GOLGA4: variants seen among roughly 807,000 people sequenced by gnomAD.
GOLGA4 encodes golgin A4.
GOLGA4 carries 169 observed loss-of-function variants against 265.9 expected under a neutral mutation model. The observed-to-expected ratio is 0.64, with a 90% CI of 0.56 to 0.72. The LOEUF (loss-of-function observed/expected upper bound fraction) is 0.72, where lower values mean the gene tolerates loss of function less well. GOLGA4 is among the 30% of genes least tolerant of loss of function. The pLI is 0.00. For missense variants in GOLGA4, 2,482 were observed against 2,483.4 expected, an observed-to-expected ratio of 1.00 and a Z score of 0.01; for synonymous variants, 923 against 855.8, an observed-to-expected ratio of 1.08 and a Z score of -1.37.
At chr3:37,308,579 G>A (rs2096913729) in intron 10 of GOLGA4, among the ~76,000 whole-genome samples, 1 of 150,984 alleles carries the variant, frequency 6.6e-6, no homozygotes, top group Admixed American at 6.6e-5. Context: ...TGGGTTATAT[G>A]TATTGATATT....
chr3:37,323,116 C>CTTTTTTT (rs567838649), intron 13 of GOLGA4, among the ~76,000 whole-genome samples: 19 of 114,120 alleles, frequency 1.7e-4, no homozygotes, highest in Admixed American at 3.9e-4. Context: ...TTCCTTTTGT[C>CTTTTTTT]TTTTTTTTTT....
At chr3:37,340,373 T>C (rs1239440437) in intron 20 of GOLGA4, among the ~76,000 whole-genome samples, 174 bp downstream of exon 20, 1 of 152,224 alleles carries the variant, frequency 6.6e-6, no homozygotes, top group Non-Finnish European at 1.5e-5. Context: ...ACATGCTATT[T>C]TGAGTTATAG....
Position 37,258,045 on chromosome 3 carries a change from A to G in GOLGA4, c.162+6561A>G, listed in dbSNP as rs532727647. Among the ~76,000 whole-genome samples, 414 of 61,176 alleles carry G rather than the reference A, an allele frequency of 6.8e-3. 52 individuals are homozygous for G. Among genetic ancestry groups the G allele is most frequent in the Non-Finnish European group, 0.012 (347 of 28,852 alleles). The allele number at this position is 61,176 out of a possible 152,430, so 40.1% of individuals were successfully genotyped here. A position where few individuals can be genotyped will look rare whatever the true frequency, so the allele number is the denominator to read the frequency against. On this transcript the variant is annotated intron_variant, in intron 2 of 23. Coordinates refer to ENST00000361924, the MANE Select transcript of GOLGA4 (RefSeq NM_002078.5). Reference sequence around the variant, plus strand: ...TGTATGTATATATGTATATATACATACATATATATATGTATGTATATATGT... The same window carrying G: ...TGTATGTATATATGTATATATACATGCATATATATATGTATGTATATATGT...
chr3:37,275,546 T>C lies in GOLGA4; in HGVS notation c.163-6412T>C. The C allele has an allele frequency of 3.2e-6, 3 of 950,062 alleles. 1 individual carries two copies. In the South Asian group the frequency reaches 4.0e-5, roughly 13 times the overall value. The allele number at this position is 950,062 out of a possible 1,614,324, so 58.9% of individuals were successfully genotyped here. A position where few individuals can be genotyped will look rare whatever the true frequency, so the allele number is the denominator to read the frequency against. Reference sequence around the variant, plus strand: ...TTAAAGAATATCATTGGCCGCGGGCTTCGTTTGTGAGGAAGGGGGCCTAGG... The same window carrying C: ...TTAAAGAATATCATTGGCCGCGGGCCTCGTTTGTGAGGAAGGGGGCCTAGG... On this transcript the variant is annotated intron_variant, in intron 2 of 23. Coordinates refer to ENST00000361924, the MANE Select transcript of GOLGA4 (RefSeq NM_002078.5).
chr3:37,261,784 C>T (rs2096770451), intron 2 of GOLGA4, among the ~76,000 whole-genome samples: 1 of 152,086 alleles, frequency 6.6e-6, no homozygotes, highest in African/African-American at 2.4e-5. Flanking sequence ...TGGGAAACTG[C>T]TGTCCTTAGG....
At chr3:37,276,095 A>G (rs560953252) in intron 2 of GOLGA4, 6 of 1,611,818 alleles carry the variant, frequency 3.7e-6, no homozygotes, top group East Asian at 2.2e-5. Flanking sequence ...TCGGGCACCA[A>G]GCACTTCTGA....
intron 17 of GOLGA4, among the ~76,000 whole-genome samples, chr3:37,336,550 C>A (rs980141248): frequency 6.6e-6 from 1 of 151,014 alleles, no homozygotes; most frequent in South Asian, 2.1e-4. Context: ...CACCTGAGGT[C>A]GGGAGTTCGA....
At chr3:37,247,171 G>A (rs1165130881) in intron 1 of GOLGA4, among the ~76,000 whole-genome samples, 1 of 152,200 alleles carries the variant, frequency 6.6e-6, no homozygotes, top group African/African-American at 2.4e-5. Flanking sequence ...AAGTTACTTT[G>A]ACTGCTCTTT....
chr3:37,252,097 A>G (rs548539397), intron 2 of GOLGA4, among the ~76,000 whole-genome samples: 28 of 151,400 alleles, frequency 1.8e-4, no homozygotes, highest in African/African-American at 6.6e-4. Context: ...AACTTATTCC[A>G]TGTAACCAGC....
chr3:37,248,134 A>T (rs983804559), intron 1 of GOLGA4, among the ~76,000 whole-genome samples: 3 of 152,146 alleles, frequency 2.0e-5, no homozygotes, highest in African/African-American at 7.2e-5. Context: ...CACAATGACT[A>T]AAATGGTTTT....
At chr3:37,251,592 C>T in intron 2 of GOLGA4, 108 bp downstream of exon 2, 6 of 636,888 alleles carry the variant, frequency 9.4e-6, no homozygotes, top group East Asian at 2.8e-5. Context: ...TATTTAATTC[C>T]TAGGTAGAGT....
chr3:37,250,262 A>T (rs1331632590), intron 1 of GOLGA4: 1 of 152,094 alleles, frequency 6.6e-6, no homozygotes, highest in African/African-American at 2.4e-5. Flanking sequence ...GTATTTCAAT[A>T]AAAAAAATTA....
chr3:37,263,777 A>G (rs1471810908), intron 2 of GOLGA4, among the ~76,000 whole-genome samples: 1 of 152,226 alleles, frequency 6.6e-6, no homozygotes, highest in Non-Finnish European at 1.5e-5. Flanking sequence ...AATAGTCTTC[A>G]TGAATGTTCA....
intron 2 of GOLGA4, among the ~76,000 whole-genome samples, chr3:37,256,424 C>G (rs1212666390): frequency 3.3e-5 from 5 of 151,260 alleles, no homozygotes; most frequent in Non-Finnish European, 7.4e-5. Flanking sequence ...GAGCCGAGGT[C>G]GTGCCATTGC....
At chr3:37,247,217 T>TA (rs2096722077) in intron 1 of GOLGA4, among the ~76,000 whole-genome samples, 2 of 152,228 alleles carry the variant, frequency 1.3e-5, no homozygotes, top group Non-Finnish European at 2.9e-5. Context: ...GGCAGTGACT[T>TA]ACAACAGTGC....
intron 2 of GOLGA4, among the ~76,000 whole-genome samples, chr3:37,280,199 A>G (rs944865648): frequency 2.0e-5 from 3 of 152,144 alleles, no homozygotes; most frequent in Non-Finnish European, 4.4e-5. Context: ...TGTCATATAT[A>G]TATATTTCTT....
intron 12 of GOLGA4, 58 bp downstream of exon 12, chr3:37,319,252 T>A: frequency 7.3e-7 from 1 of 1,375,744 alleles, no homozygotes; most frequent in South Asian, 1.3e-5. Context: ...TACAAAGTTA[T>A]CATCCTCTCA....
chr3:37,246,306 CA>C (rs58075364), intron 1 of GOLGA4, among the ~76,000 whole-genome samples: 3,452 of 75,392 alleles, frequency 0.046, 60 homozygotes, highest in African/African-American at 0.11. Flanking sequence ...GACTCCGTCT[CA>C]AAAAAAAAAA....
In GOLGA4 at chr3:37,243,801, C is replaced by T. The variant is rs1560257566; in HGVS notation, c.72+179C>T. On this transcript the variant is annotated intron_variant, in intron 1 of 23. Coordinates refer to ENST00000361924, the MANE Select transcript of GOLGA4 (RefSeq NM_002078.5). Reference sequence around the variant, plus strand: ...GGTGCAGGTCGTCCGTAACTCCTGACCTGGATTTTCCCATCGCAAAACTTC... The same window carrying T: ...GGTGCAGGTCGTCCGTAACTCCTGATCTGGATTTTCCCATCGCAAAACTTC... 3 of 592,516 alleles carry T rather than the reference C, an allele frequency of 5.1e-6. No individual in the cohort carries two copies. The South Asian group carries it at 6.3e-5, about 12-fold the overall frequency. The allele number at this position is 592,516 out of a possible 1,614,324, so 36.7% of individuals were successfully genotyped here. A position where few individuals can be genotyped will look rare whatever the true frequency, so the allele number is the denominator to read the frequency against.
Sources: gnomAD v4.1 joint callset for allele counts (sites outside exome capture counted in the v4.1 genomes callset) on GRCh38, gnomAD v4.1.1 for gene constraint, MANE v1.5 for transcripts, NCBI Gene and HGNC (gene_info 2026-07-23, HGNC 2026-07-21) for gene names.